The following PDCD6IP variants were observed in gnomAD, a reference collection of about 807,000 sequenced individuals.
The protein encoded by PDCD6IP is programmed cell death 6-interacting protein.
In PDCD6IP, 43 loss-of-function variants were observed where a neutral mutation model predicts 103.7. That is an observed-to-expected ratio of 0.41 (90% CI 0.32 to 0.53). PDCD6IP has a LOEUF of 0.53. PDCD6IP is among the 20% of genes least tolerant of loss of function. The probability of loss-of-function intolerance (pLI) is 0.16; values close to 1 mark genes in which losing one functional copy is unlikely to be tolerated. For missense variants in PDCD6IP, 871 were observed against 1,036.7 expected (o/e 0.84, Z 2.20); for synonymous variants, 354 against 378.7 (o/e 0.93, Z 0.76).
chr3:33,822,179 CAG>C (rs1559779419), intron 4 of PDCD6IP, 97 bp downstream of exon 4: 1 of 1,251,126 alleles, frequency 8.0e-7, no homozygotes, highest in African/African-American at 1.5e-5. Flanking sequence ...TCTTACGCAA[CAG>C]ATGTTTTCTA....
intron 4 of PDCD6IP, among the ~76,000 whole-genome samples, chr3:33,824,463 G>A (rs538965519): frequency 1.3e-5 from 2 of 152,036 alleles, no homozygotes; most frequent in African/African-American, 4.8e-5. Flanking sequence ...TCATCATGTT[G>A]GCCAGGCTGG....
At chr3:33,848,782 A>G (rs1462501768) in intron 12 of PDCD6IP, among the ~76,000 whole-genome samples, 3 of 152,242 alleles carry the variant, frequency 2.0e-5, no homozygotes, top group Admixed American at 6.5e-5. Context: ...AACTGGGGTC[A>G]GGAAGCTGTG....
chr3:33,840,672 C>T lies in PDCD6IP; in HGVS notation c.1182-1225C>T, dbSNP rs188538931. Among the ~76,000 whole-genome samples, 139 of 149,540 alleles carry T rather than the reference C, an allele frequency of 9.3e-4. No homozygotes were observed. The Middle Eastern group carries it at 0.01, about 11-fold the overall frequency. ...ATAGTAGATAGGGATATGTACCTCC[C>T]TTCGCCATCATGTAACTGAAATAAC... On this transcript the variant is annotated intron_variant, in intron 9 of 17. Transcript: ENST00000307296.
At chr3:33,817,194 T>A (rs929047742) in intron 3 of PDCD6IP, among the ~76,000 whole-genome samples, 3 of 152,192 alleles carry the variant, frequency 2.0e-5, no homozygotes, top group Non-Finnish European at 2.9e-5. Flanking sequence ...GGAATTGGGC[T>A]CCTTGGGACA....
At position 33,836,200 on chromosome 3, in the gene PDCD6IP, C is replaced by G. The variant is rs1475948909; in HGVS notation, c.991C>G (p.Pro331Ala). 6.2e-7 allele frequency: 1 copy of G among 1,613,340 alleles called. No individual in the cohort carries two copies. Among genetic ancestry groups the G allele is most frequent in the African/African-American group, 1.3e-5 (1 of 74,880 alleles). The change falls in exon 8 of 18, where the codon CCT becomes GCT. Residue 331 changes from proline to alanine, a missense_variant. Around this residue, in one of 5 missense-constraint regions of PDCD6IP, gnomAD observed 242 missense variants for 250.7 expected, o/e 0.97. Transcript: ENST00000307296. ...DRVPDLKDLD[P>A]IGKATLVKST... The stretch of plus-strand genomic sequence containing the variant: ...AGTTCCAGACCTTAAAGATCTAGAT[C>G]CTATTGGCAAAGCCACACTTGTGAA...
chr3:33,839,655 T>C (rs1209407362), intron 9 of PDCD6IP, among the ~76,000 whole-genome samples: 2 of 152,252 alleles, frequency 1.3e-5, no homozygotes, highest in African/African-American at 4.8e-5. Context: ...GTGGTTAGCA[T>C]ATTTAATTTT....
intron 12 of PDCD6IP, among the ~76,000 whole-genome samples, chr3:33,850,609 T>G (rs1353424140): frequency 6.6e-6 from 1 of 152,218 alleles, no homozygotes; most frequent in Non-Finnish European, 1.5e-5. Context: ...ATTTTCCTTC[T>G]GTCTTACTCA....
chr3:33,831,622 G>A (rs1465360844), intron 7 of PDCD6IP, among the ~76,000 whole-genome samples: 3 of 151,986 alleles, frequency 2.0e-5, no homozygotes, highest in Non-Finnish European at 4.4e-5. Flanking sequence ...GTATATATAA[G>A]GTTATATAGT....
rs562555062 is a variant in PDCD6IP at position 33,813,054 on chromosome 3, G to A, written c.265-505G>A. On this transcript the variant is annotated intron_variant, in intron 2 of 17. Transcript: ENST00000307296. ...ACATTTAATTTTCATGTAGCATATG[G>A]AAAAGTGAACAAATCACGGGTATAG... Among the ~76,000 whole-genome samples the A allele has an allele frequency of 2.0e-5, 3 of 152,088 alleles. No individual in the cohort carries two copies. In the South Asian group the frequency reaches 6.2e-4, roughly 32 times the overall value.
chr3:33,859,703 A>G (rs1431008976), intron 15 of PDCD6IP, among the ~76,000 whole-genome samples: 1 of 152,236 alleles, frequency 6.6e-6, no homozygotes, highest in African/African-American at 2.4e-5. Context: ...TTGGAGAAAT[A>G]GATTTCATAC....
intron 1 of PDCD6IP, among the ~76,000 whole-genome samples, chr3:33,800,199 A>C (rs1008380773): frequency 6.7e-6 from 1 of 149,938 alleles, no homozygotes; most frequent in Non-Finnish European, 1.5e-5. Flanking sequence ...CCTTAGCTTT[A>C]GGTATCACTG....
At chr3:33,845,732 A>G in intron 12 of PDCD6IP, 144 bp downstream of exon 12, 1 of 563,628 alleles carries the variant, frequency 1.8e-6, no homozygotes, top group Non-Finnish European at 3.1e-6. Context: ...AAAGTAGTAT[A>G]TAGACTGTGT....
chr3:33,854,192 A>G (rs1697780277), intron 14 of PDCD6IP, among the ~76,000 whole-genome samples, 179 bp downstream of exon 14: 2 of 152,246 alleles, frequency 1.3e-5, no homozygotes, highest in African/African-American at 4.8e-5. Context: ...AGGTGGCAAC[A>G]TTTCATGGGA....
intron 3 of PDCD6IP, among the ~76,000 whole-genome samples, chr3:33,815,116 A>T (rs1350469520): frequency 6.7e-6 from 1 of 149,142 alleles, no homozygotes; most frequent in Non-Finnish European, 1.5e-5. Context: ...TATATATCTT[A>T]TATAAGGTTT....
chr3:33,851,043 C>T (rs888920903), intron 12 of PDCD6IP, among the ~76,000 whole-genome samples: 4 of 152,022 alleles, frequency 2.6e-5, no homozygotes, highest in East Asian at 1.9e-4. Flanking sequence ...GCAGAAACCT[C>T]GAGTCTCTGG....
At position 33,838,226 on chromosome 3, in the gene PDCD6IP, C is replaced by T. The variant is rs761425267; in HGVS notation, c.1080C>T (p.Pro360=). ...TAGATCTGTTTGAGAAGATGGTTCCCGTGTCAGTACAGCAGTCTTTGGCTG... is the reference window on the plus strand; with the variant it reads ...TAGATCTGTTTGAGAAGATGGTTCCTGTGTCAGTACAGCAGTCTTTGGCTG... The part of the protein sequence containing the change: ...KFTDLFEKMV[P]VSVQQSLAAY... Residue 360 remains proline (P), a synonymous_variant, in exon 9 of 18, where the codon CCC becomes CCT. Transcript: ENST00000307296. 23 of 1,613,286 alleles carry T rather than the reference C, an allele frequency of 1.4e-5. 1 individual carries two copies. Among genetic ancestry groups the T allele is most frequent in the South Asian group, 4.4e-5 (4 of 90,994 alleles).
rs1559775048 is a variant in PDCD6IP at position 33,814,611 on chromosome 3, A to ACATATAATGTGTATTATATG, written c.334+983_334+984insCATATAATGTGTATTATATG. Among the ~76,000 whole-genome samples, 13 of 147,560 alleles carry ACATATAATGTGTATTATATG rather than the reference A, an allele frequency of 8.8e-5. No homozygotes were observed. In the East Asian group the frequency reaches 2.6e-3, roughly 29 times the overall value. ...TATTATATGTATATATGTATTATAT[A>ACATATAATGTGTATTATATG]TGCACATATAATGTGTATTATATGT... On this transcript the variant is annotated intron_variant, in intron 3 of 17. Coordinates refer to ENST00000307296, the MANE Select transcript of PDCD6IP (RefSeq NM_013374.6).
chr3:33,833,770 T>G (rs1452906621), intron 7 of PDCD6IP, among the ~76,000 whole-genome samples: 6 of 152,290 alleles, frequency 3.9e-5, no homozygotes, highest in Non-Finnish European at 7.4e-5. Context: ...TTCCTTATGG[T>G]TTTTTTGTAT....
chr3:33,826,113 TC>T (rs1334071551), intron 5 of PDCD6IP, among the ~76,000 whole-genome samples: 1 of 152,188 alleles, frequency 6.6e-6, no homozygotes, highest in African/African-American at 2.4e-5. Flanking sequence ...AATACTTTTT[TC>T]TTTTAAAATA....
Sources: gnomAD v4.1 joint callset for allele counts (sites outside exome capture counted in the v4.1 genomes callset) on GRCh38, gnomAD v4.1.1 for gene constraint, gnomAD v4.1.1 regional missense constraint, MANE v1.5 for transcripts, NCBI Gene and HGNC (gene_info 2026-07-23, HGNC 2026-07-21) for gene names.